ZNF609: variants seen among roughly 807,000 people sequenced by gnomAD.
The protein encoded by ZNF609 is zinc finger protein 609.
In ZNF609, 11 loss-of-function variants were observed where a neutral mutation model predicts 109.5. The ratio of observed to expected loss-of-function variants is 0.10; its 90% confidence interval spans 0.06 to 0.17. ZNF609 has a LOEUF of 0.17. ZNF609 is among the 10% of genes least tolerant of loss of function. ZNF609 has a pLI of 1.00. For synonymous variants in ZNF609, 646 were observed against 662.0 expected, an observed-to-expected ratio of 0.98 and a Z score of 0.37; for missense variants, 1,559 against 1,772.4, an observed-to-expected ratio of 0.88 and a Z score of 2.16.
intron 3 of ZNF609, among the ~76,000 whole-genome samples, chr15:64,638,886 GC>G (rs1567036538): frequency 6.6e-6 from 1 of 151,958 alleles, no homozygotes; most frequent in Non-Finnish European, 1.5e-5. Flanking sequence ...ACAGAGTGAG[GC>G]CCTGTCTCAA....
Position 64,674,695 on chromosome 15 carries a change from C to T in ZNF609, c.1841C>T (p.Ser614Leu). ...AATGATGGCTCTGATGATGGACCCT[C>T]AGTGATGGATGAAACAAGCAATGAT... ...LSNDGSDDGPSVMDETSNDAF... is the reference protein window; with the variant it reads ...LSNDGSDDGPLVMDETSNDAF... Residue 614 changes from serine (S) to leucine (L), a missense_variant, in exon 5 of 10, where the codon TCA becomes TTA. By Grantham distance (145) the Ser-to-Leu change is moderately radical. Around this residue, in one of 4 missense-constraint regions of ZNF609, gnomAD observed 1,204 missense variants for 1,314.1 expected, o/e 0.92. Coordinates refer to ENST00000326648, the MANE Select transcript of ZNF609 (RefSeq NM_015042.2). 1 of 1,614,058 alleles carries T rather than the reference C, an allele frequency of 6.2e-7. No individual in the cohort carries two copies. The highest frequency in any genetic ancestry group is 8.5e-7 in the Non-Finnish European group (1 of 1,180,026).
intron 2 of ZNF609, among the ~76,000 whole-genome samples, chr15:64,608,896 G>A (rs1213560647): frequency 1.3e-5 from 2 of 151,798 alleles, no homozygotes; most frequent in African/African-American, 4.8e-5. Context: ...GTGCAACCAT[G>A]CCCAGCTAAT....
At chr15:64,606,304 G>T (rs1290632883) in intron 2 of ZNF609, among the ~76,000 whole-genome samples, 2 of 151,374 alleles carry the variant, frequency 1.3e-5, no homozygotes, top group Non-Finnish European at 2.9e-5. Flanking sequence ...GGGCGCGGTG[G>T]CTCATGCCTG....
chr15:64,623,520 C>T (rs758969521), intron 3 of ZNF609, among the ~76,000 whole-genome samples: 1 of 152,198 alleles, frequency 6.6e-6, no homozygotes, highest in Non-Finnish European at 1.5e-5. Context: ...AGCCAGTTCA[C>T]TCTTCCCACT....
chr15:64,529,638 C>T, intron 2 of ZNF609: 1 of 882,732 alleles, frequency 1.1e-6, no homozygotes, highest in South Asian at 1.3e-5. Context: ...CCAGTACGAC[C>T]AAATCTGTTG....
chr15:64,676,157 G>A lies in ZNF609; in HGVS notation c.3303G>A (p.Leu1101=). ...GQAPEGLKVK[L]SDASHLSKEA... is the part of the protein sequence containing the mutation. ...CCCCTGAAGGCCTTAAAGTGAAGCT[G>A]AGTGATGCCAGCCACCTAAGCAAGG... Residue 1101 remains leucine (L), a synonymous_variant, in exon 5 of 10, where the codon CTG becomes CTA. Transcript: ENST00000326648. 6.2e-7 allele frequency: 1 copy of A among 1,614,228 alleles called. No individual in the cohort carries two copies. Among genetic ancestry groups the A allele is most frequent in the Non-Finnish European group, 8.5e-7 (1 of 1,180,056 alleles).
intron 2 of ZNF609, among the ~76,000 whole-genome samples, chr15:64,515,450 C>T (rs1276020774): frequency 1.3e-5 from 2 of 152,166 alleles, no homozygotes; most frequent in African/African-American, 4.8e-5. Flanking sequence ...ATGCCTCTCC[C>T]TGGGAAGCAG....
intron 2 of ZNF609, among the ~76,000 whole-genome samples, chr15:64,595,457 A>C: frequency 6.6e-6 from 1 of 151,840 alleles, no homozygotes; most frequent in Non-Finnish European, 1.5e-5. Flanking sequence ...AAACACCAAG[A>C]GAGGGAGGGT....
At chr15:64,668,952 C>CAAAAAAAAAAAAA (rs538954402) in intron 3 of ZNF609, among the ~76,000 whole-genome samples, 1 of 34,980 alleles carries the variant, frequency 2.9e-5, no homozygotes, top group Non-Finnish European at 5.4e-5. Context: ...AACTCCGTCT[C>CAAAAAAAAAAAAA]AAAAAAAAAA....
intron 2 of ZNF609, among the ~76,000 whole-genome samples, chr15:64,615,170 G>T (rs781087362): frequency 6.6e-5 from 10 of 151,708 alleles, no homozygotes; most frequent in Non-Finnish European, 1.0e-4. Context: ...CTATTGCCCA[G>T]GCTAGAGTGC....
chr15:64,531,382 G>C (rs1003032278), intron 2 of ZNF609, among the ~76,000 whole-genome samples: 97 of 152,210 alleles, frequency 6.4e-4, no homozygotes, highest in African/African-American at 2.3e-3. Flanking sequence ...CAAATGCAAA[G>C]TGGATTATTC....
At chr15:64,591,253 C>T (rs1193742719) in intron 2 of ZNF609, among the ~76,000 whole-genome samples, 1 of 152,080 alleles carries the variant, frequency 6.6e-6, no homozygotes, top group Non-Finnish European at 1.5e-5. Context: ...CATGGTGAAA[C>T]CCCGTATCTA....
intron 2 of ZNF609, among the ~76,000 whole-genome samples, chr15:64,609,064 T>TTTTCTTTCTTTCTCTC (rs1555422612): frequency 8.4e-6 from 1 of 119,032 alleles, no homozygotes; most frequent in African/African-American, 3.3e-5. Context: ...TAGTTTTAAT[T>TTTTCTTTCTTTCTCTC]TTTCTTTCTT....
intron 2 of ZNF609, among the ~76,000 whole-genome samples, chr15:64,549,111 C>T (rs1894418326): frequency 6.6e-6 from 1 of 152,064 alleles, no homozygotes; most frequent in Admixed American, 6.6e-5. Flanking sequence ...AATGGTGAAT[C>T]TAATAATAAT....
At chr15:64,483,650 T>A (rs1191618728) in intron 1 of ZNF609, among the ~76,000 whole-genome samples, 1 of 152,208 alleles carries the variant, frequency 6.6e-6, no homozygotes, top group Non-Finnish European at 1.5e-5. Flanking sequence ...CCTCCCAAAG[T>A]GCTGAGATTA....
chr15:64,607,269 G>A (rs556633214), intron 2 of ZNF609, among the ~76,000 whole-genome samples: 71 of 152,026 alleles, frequency 4.7e-4, no homozygotes, highest in Non-Finnish European at 7.6e-4. Flanking sequence ...TATCTGAAAA[G>A]GCTATTAAAT....
chr15:64,599,386 T>C (rs955896386), intron 2 of ZNF609, among the ~76,000 whole-genome samples: 5 of 152,120 alleles, frequency 3.3e-5, no homozygotes, highest in Admixed American at 6.5e-5. Flanking sequence ...ATAGCTGTAT[T>C]CTCAGTGCCT....
intron 1 of ZNF609, among the ~76,000 whole-genome samples, chr15:64,490,824 C>T (rs1262603160): frequency 6.6e-6 from 1 of 152,166 alleles, no homozygotes; most frequent in Non-Finnish European, 1.5e-5. Flanking sequence ...TTGCTATGTG[C>T]TGATGGAAGA....
intron 3 of ZNF609, among the ~76,000 whole-genome samples, chr15:64,660,592 C>T (rs1396568957): frequency 6.6e-6 from 1 of 152,182 alleles, no homozygotes; most frequent in African/African-American, 2.4e-5. Flanking sequence ...AAAAGCCTGC[C>T]AATCCCCAGT....
Sources: allele counts gnomAD v4.1 joint callset (sites outside exome capture counted in the v4.1 genomes callset), GRCh38; gene constraint gnomAD v4.1.1; regional missense constraint gnomAD v4.1.1; transcripts MANE v1.5; gene names NCBI Gene and HGNC (gene_info 2026-07-23, HGNC 2026-07-21).